Variants in TEAD1 observed in about 807,000 individuals in gnomAD.
TEAD1 encodes the protein TEA domain transcription factor 1.
TEAD1 carries 9 observed loss-of-function variants against 54.9 expected under a neutral mutation model. That is an observed-to-expected ratio of 0.16 (90% CI 0.10 to 0.29). TEAD1 has a LOEUF of 0.29. Ranked by LOEUF, TEAD1 falls within the 10% of genes least tolerant of loss-of-function variation. The pLI, the probability that TEAD1 is intolerant of heterozygous loss-of-function variation, is 1.00. For missense variants in TEAD1, 387 were observed against 535.9 expected (o/e 0.72, Z 2.74); for synonymous variants, 200 against 187.8 (o/e 1.07, Z -0.53).
chr11:12,915,185 G>A (rs1948688175), intron 10 of TEAD1, among the ~76,000 whole-genome samples: 3 of 152,090 alleles, frequency 2.0e-5, no homozygotes, highest in South Asian at 4.1e-4. Flanking sequence ...CCTGCCTCGC[G>A]CCTTAGAGGT....
intron 10 of TEAD1, among the ~76,000 whole-genome samples, chr11:12,923,555 G>T (rs1948852626): frequency 6.6e-6 from 1 of 152,168 alleles, no homozygotes. Flanking sequence ...CGGAGCAGGG[G>T]GTTGGTAGAT....
chr11:12,744,141 A>G (rs1019923933), intron 2 of TEAD1, among the ~76,000 whole-genome samples: 2 of 152,216 alleles, frequency 1.3e-5, no homozygotes, highest in African/African-American at 2.4e-5. Flanking sequence ...GGACAGTGTC[A>G]CATTAGAATT....
intron 3 of TEAD1, among the ~76,000 whole-genome samples, chr11:12,843,118 G>A (rs929433337): frequency 6.6e-6 from 1 of 152,142 alleles, no homozygotes; most frequent in African/African-American, 2.4e-5. Context: ...CATCCATCAT[G>A]CCTGGCAGCC....
intron 5 of TEAD1, among the ~76,000 whole-genome samples, chr11:12,875,599 A>G (rs896857979): frequency 7.9e-5 from 12 of 152,224 alleles, no homozygotes; most frequent in Non-Finnish European, 1.5e-4. Flanking sequence ...AGATGTTATA[A>G]AAATTAAATG....
intron 3 of TEAD1, among the ~76,000 whole-genome samples, chr11:12,826,086 A>G (rs1460539771): frequency 6.6e-6 from 1 of 152,226 alleles, no homozygotes; most frequent in East Asian, 1.9e-4. Context: ...CATAATAAAA[A>G]GTCTTCATGA....
At chr11:12,818,712 A>T (rs1021738364) in intron 3 of TEAD1, among the ~76,000 whole-genome samples, 2 of 152,234 alleles carry the variant, frequency 1.3e-5, no homozygotes, top group African/African-American at 4.8e-5. Flanking sequence ...ACAGGGAGAC[A>T]TTGAACCACA....
chr11:12,870,834 C>T (rs1039122378), intron 5 of TEAD1, among the ~76,000 whole-genome samples: 18 of 152,024 alleles, frequency 1.2e-4, no homozygotes, highest in South Asian at 6.2e-4. Context: ...TGCAGTGAGC[C>T]GAGATTGTAC....
intron 9 of TEAD1, among the ~76,000 whole-genome samples, chr11:12,886,483 C>G (rs1011996301): frequency 5.3e-5 from 8 of 152,132 alleles, no homozygotes; most frequent in African/African-American, 9.7e-5. Context: ...TTTTTGAGCA[C>G]CTACTACACG....
chr11:12,814,549 G>A (rs1024147232), intron 3 of TEAD1, among the ~76,000 whole-genome samples: 16 of 152,152 alleles, frequency 1.1e-4, no homozygotes, highest in Non-Finnish European at 1.6e-4. Context: ...TGGTTGCCAG[G>A]GCTCTGCCTA....
chr11:12,679,482 A>G lies in TEAD1; in HGVS notation c.-55+3921A>G, dbSNP rs367891297. 1.7e-4 allele frequency among the ~76,000 whole-genome samples: 26 copies of G among 152,330 alleles called. No homozygotes were observed. The Middle Eastern group carries it at 0.014, about 80-fold the overall frequency. ...ATCTGACAGGTTTAGATGTATGTGT[A>G]AAGTGACTGAAACACTCTTGACTGG... is the stretch of plus-strand genomic sequence containing the variant. On this transcript the variant is annotated intron_variant, in intron 2 of 12. Coordinates refer to ENST00000527636, the MANE Select transcript of TEAD1 (RefSeq NM_021961.6).
At chr11:12,932,116 A>G (rs1437383517) in intron 12 of TEAD1, among the ~76,000 whole-genome samples, 2 of 152,238 alleles carry the variant, frequency 1.3e-5, no homozygotes, top group Non-Finnish European at 2.9e-5. Context: ...AGATGTGCCC[A>G]TGTCCTTCTA....
chr11:12,798,469 A>C (rs550855187), intron 3 of TEAD1, among the ~76,000 whole-genome samples: 8 of 152,310 alleles, frequency 5.3e-5, no homozygotes, highest in African/African-American at 1.7e-4. Context: ...TTGGTGTTAA[A>C]CTGCCATCTT....
At chr11:12,675,680 A>G (rs1180454272) in intron 2 of TEAD1, 119 bp downstream of exon 2, 1 of 152,248 alleles carries the variant, frequency 6.6e-6, no homozygotes, top group Admixed American at 6.5e-5. Flanking sequence ...TCAAAAGTCC[A>G]GAGTCCCGCT....
chr11:12,860,264 T>C (rs1947471147), intron 3 of TEAD1, among the ~76,000 whole-genome samples: 1 of 152,228 alleles, frequency 6.6e-6, no homozygotes, highest in African/African-American at 2.4e-5. Flanking sequence ...AGGGTCTTCT[T>C]ATTCTTAAAT....
rs757826927 is a variant in TEAD1, at chr11:12,941,036, G to A, written c.*3814G>A. The A allele has an allele frequency of 8.5e-5, 13 of 152,236 alleles. No homozygotes were observed. Among genetic ancestry groups the A allele is most frequent in the South Asian group, 4.1e-4 (2 of 4,830 alleles). The allele number at this position is 152,236 out of a possible 1,614,324, so 9.4% of individuals were successfully genotyped here. On this transcript the variant is annotated 3_prime_UTR_variant, in exon 13 of 13. Transcript: ENST00000527636. ...CCAGCTGGTTAGTGACAGAAAAAGC[G>A]TGAGAGTTGTCTAGGATTCCTGCCA... is the stretch of plus-strand genomic sequence containing the variant.
intron 2 of TEAD1, among the ~76,000 whole-genome samples, chr11:12,731,854 G>A (rs1005710275): frequency 4.6e-5 from 7 of 152,208 alleles, no homozygotes; most frequent in African/African-American, 9.6e-5. Flanking sequence ...CTTTGTGCCC[G>A]TTTGCTGTCT....
chr11:12,851,144 C>CT (rs1212304509), intron 3 of TEAD1: 1 of 938,768 alleles, frequency 1.1e-6, no homozygotes, highest in East Asian at 1.2e-4. Flanking sequence ...AAGAAAAAAA[C>CT]TATTTCATGA....
At chr11:12,857,669 G>T (rs1947418477) in intron 3 of TEAD1, among the ~76,000 whole-genome samples, 1 of 151,018 alleles carries the variant, frequency 6.6e-6, no homozygotes, top group African/African-American at 2.4e-5. Context: ...CCCACTTTCA[G>T]TTACATCAGT....
At chr11:12,751,046 C>T (rs1459989175) in intron 2 of TEAD1, among the ~76,000 whole-genome samples, 1 of 152,140 alleles carries the variant, frequency 6.6e-6, no homozygotes, top group Non-Finnish European at 1.5e-5. Flanking sequence ...TGAGGTGGTT[C>T]ATGCCTGTAG....
Sources: allele counts gnomAD v4.1 joint callset (sites outside exome capture counted in the v4.1 genomes callset), GRCh38; gene constraint gnomAD v4.1.1; transcripts MANE v1.5; gene names NCBI Gene and HGNC (gene_info 2026-07-23, HGNC 2026-07-21).